Variants in CREB5 observed in about 807,000 individuals in gnomAD.
The protein encoded by CREB5 is cyclic AMP-responsive element-binding protein 5.
Under a neutral mutation model 57.1 loss-of-function variants are expected in CREB5, and 19 were observed. The observed-to-expected ratio is 0.33, with a 90% confidence interval of 0.23 to 0.49. The LOEUF is 0.49. Ranked by LOEUF, CREB5 falls within the 20% of genes least tolerant of loss-of-function variation. The pLI is 0.99. For synonymous variants in CREB5, 238 were observed against 238.3 expected (o/e 1.00, Z 0.01); for missense variants, 579 against 671.6 (o/e 0.86, Z 1.52).
At chr7:28,325,318 G>T (rs1785570212) in intron 1 of CREB5, among the ~76,000 whole-genome samples, 1 of 152,182 alleles carries the variant, frequency 6.6e-6, no homozygotes, top group Non-Finnish European at 1.5e-5. Context: ...AGCCAGGCAT[G>T]GTGGCGGGCG....
Position 28,631,866 on chromosome 7 carries a change from G to A in CREB5, c.464+61329G>A, listed in dbSNP as rs148141456. ...AAGGCGGCGCCAGGGATGGTGTCTC[G>A]GAAGAGAATGTGTTTGAAAGATGAG... On this transcript the variant is annotated intron_variant, in intron 5 of 10. Coordinates refer to ENST00000357727, the MANE Select transcript of CREB5 (RefSeq NM_182898.4). Among the ~76,000 whole-genome samples, 644 of 152,220 alleles carry A rather than the reference G, an allele frequency of 4.2e-3. 2 individuals carry two copies. Among genetic ancestry groups the A allele is most frequent in the African/African-American group, 0.015 (605 of 41,524 alleles).
intron 4 of CREB5, among the ~76,000 whole-genome samples, chr7:28,533,171 A>C (rs558782856): frequency 1.5e-4 from 23 of 152,006 alleles, no homozygotes; most frequent in East Asian, 1.9e-4. Flanking sequence ...GTACCATTGC[A>C]CTCCAGCCTG....
rs1810036032 is a variant in CREB5, at chr7:28,825,882, C to A, written c.*6603C>A. 6.6e-6 allele frequency: 1 copy of A among 152,572 alleles called. No homozygotes were observed. Among genetic ancestry groups the A allele is most frequent in the Admixed American group, 6.5e-5 (1 of 15,278 alleles). 9.5% of individuals were successfully genotyped at this position (152,572 alleles called of 1,614,324 possible). On this transcript the variant is annotated 3_prime_UTR_variant, in exon 11 of 11. Transcript: ENST00000357727. ...TGCAATTCCAATATAATAAAGCACTCAAATGCAAATAATATATGTCACCTT... is the reference window on the plus strand; with the variant it reads ...TGCAATTCCAATATAATAAAGCACTAAAATGCAAATAATATATGTCACCTT...
intron 1 of CREB5, among the ~76,000 whole-genome samples, chr7:28,353,448 C>T (rs1016630540): frequency 2.6e-5 from 4 of 152,132 alleles, no homozygotes; most frequent in Non-Finnish European, 4.4e-5. Context: ...GTTACATTAT[C>T]TCCAGCAAGA....
chr7:28,795,742 A>G (rs1417853839), intron 7 of CREB5, among the ~76,000 whole-genome samples: 1 of 148,684 alleles, frequency 6.7e-6, no homozygotes, highest in Non-Finnish European at 1.5e-5. Context: ...AATAAAATTA[A>G]CTGTTTTTCT....
chr7:28,602,332 G>A (rs1181955023), intron 5 of CREB5, among the ~76,000 whole-genome samples: 1 of 152,094 alleles, frequency 6.6e-6, no homozygotes, highest in African/African-American at 2.4e-5. Context: ...TCGCCATGTT[G>A]GCCAGGCTGG....
chr7:28,682,149 G>T (rs1276458331), intron 5 of CREB5, among the ~76,000 whole-genome samples: 1 of 152,212 alleles, frequency 6.6e-6, no homozygotes, highest in African/African-American at 2.4e-5. Flanking sequence ...GGTATAGGAG[G>T]TGCAGTAGTT....
At chr7:28,474,710 A>G (rs1790987103) in intron 1 of CREB5, among the ~76,000 whole-genome samples, 1 of 152,212 alleles carries the variant, frequency 6.6e-6, no homozygotes, top group Admixed American at 6.5e-5. Flanking sequence ...CGAGAAGACC[A>G]GAAATCCTTT....
At chr7:28,573,993 C>A (rs1795806568) in intron 5 of CREB5, among the ~76,000 whole-genome samples, 2 of 152,170 alleles carry the variant, frequency 1.3e-5, no homozygotes, top group South Asian at 4.1e-4. Context: ...ATATAAATAT[C>A]TCAAATTGCT....
intron 6 of CREB5, among the ~76,000 whole-genome samples, chr7:28,720,806 T>C (rs1219848321): frequency 1.3e-5 from 2 of 152,208 alleles, no homozygotes; most frequent in Admixed American, 6.5e-5. Context: ...CTTTTAGGCT[T>C]TAAGTTGTTC....
chr7:28,461,212 AGAGT>A (rs1321592665), intron 1 of CREB5, among the ~76,000 whole-genome samples: 1 of 147,210 alleles, frequency 6.8e-6, no homozygotes, highest in Non-Finnish European at 1.5e-5. Flanking sequence ...CCTGGGCAAC[AGAGT>A]GAGACTCTGC....
At chr7:28,608,123 T>A (rs3928375) in intron 5 of CREB5, among the ~76,000 whole-genome samples, 2,123 of 68,426 alleles carry the variant, frequency 0.031, 31 homozygotes, top group East Asian at 0.064. Context: ...TCACACACAC[T>A]CACACACACA....
At chr7:28,445,128 G>T (rs1789381012) in intron 1 of CREB5, among the ~76,000 whole-genome samples, 1 of 152,180 alleles carries the variant, frequency 6.6e-6, no homozygotes, top group African/African-American at 2.4e-5. Context: ...ATACTCTCTT[G>T]TAAGACGTTC....
intron 5 of CREB5, among the ~76,000 whole-genome samples, chr7:28,617,501 G>C (rs1797635233): frequency 6.6e-6 from 1 of 152,180 alleles, no homozygotes; most frequent in Non-Finnish European, 1.5e-5. Context: ...AAGGAGAGCA[G>C]AAAACAGAAT....
intron 1 of CREB5, among the ~76,000 whole-genome samples, chr7:28,370,237 A>T (rs1786680351): frequency 6.6e-6 from 1 of 152,232 alleles, no homozygotes; most frequent in Non-Finnish European, 1.5e-5. Flanking sequence ...GACGTGCCCT[A>T]GCCTCAGCTT....
At chr7:28,525,486 TTTATTA>T (rs541767094) in intron 4 of CREB5, among the ~76,000 whole-genome samples, 4 of 151,836 alleles carry the variant, frequency 2.6e-5, no homozygotes, top group Admixed American at 6.6e-5. Flanking sequence ...CTCACCAGCA[TTTATTA>T]TTATTATTAT....
intron 5 of CREB5, among the ~76,000 whole-genome samples, chr7:28,708,826 C>T (rs1194549178): frequency 2.0e-5 from 3 of 152,184 alleles, no homozygotes; most frequent in African/African-American, 7.2e-5. Flanking sequence ...TGACTGTGAG[C>T]TCAGGGAGCT....
chr7:28,525,103 A>G (rs1793391766), intron 4 of CREB5, among the ~76,000 whole-genome samples: 1 of 151,748 alleles, frequency 6.6e-6, no homozygotes, highest in African/African-American at 2.4e-5. Flanking sequence ...TGCCTGGCTT[A>G]TTTCATTTAA....
At chr7:28,702,046 T>C (rs1265727909) in intron 5 of CREB5, among the ~76,000 whole-genome samples, 1 of 152,214 alleles carries the variant, frequency 6.6e-6, no homozygotes, top group Non-Finnish European at 1.5e-5. Context: ...TTCTCAGCCA[T>C]GCTAGACTTT....
Sources: allele counts gnomAD v4.1 joint callset (sites outside exome capture counted in the v4.1 genomes callset), GRCh38; gene constraint gnomAD v4.1.1; transcripts MANE v1.5; gene names NCBI Gene and HGNC (gene_info 2026-07-23, HGNC 2026-07-21).